Variants in MAP4K5 observed in about 807,000 individuals in gnomAD.
The protein encoded by MAP4K5 is MAPK/ERK kinase kinase kinase 5.
In MAP4K5, 82 loss-of-function variants were observed where a neutral mutation model predicts 135.6. The observed-to-expected ratio is 0.60, with a 90% CI of 0.51 to 0.73. MAP4K5 has a LOEUF of 0.73. Among genes scored for constraint, MAP4K5 ranks in the 30% least tolerant of loss-of-function variants. The pLI, the probability that MAP4K5 is intolerant of heterozygous loss-of-function variation, is 0.00. For synonymous variants in MAP4K5, 347 were observed against 335.0 expected (o/e 1.04, Z -0.39); for missense variants, 907 against 1,010.9 (o/e 0.90, Z 1.39).
At chr14:50,523,826 C>T (rs2038203347) in intron 2 of MAP4K5, among the ~76,000 whole-genome samples, 1 of 152,198 alleles carries the variant, frequency 6.6e-6, no homozygotes, top group Non-Finnish European at 1.5e-5. Context: ...AGGAGGCCTT[C>T]TATAAGTATT....
chr14:50,489,161 C>G (rs567458188), intron 3 of MAP4K5, among the ~76,000 whole-genome samples: 1 of 152,250 alleles, frequency 6.6e-6, no homozygotes, highest in African/African-American at 2.4e-5. Flanking sequence ...TGCTCACCAG[C>G]CTGGGCAACA....
chr14:50,426,189 C>T (rs1036075566), intron 30 of MAP4K5, among the ~76,000 whole-genome samples: 4 of 152,072 alleles, frequency 2.6e-5, no homozygotes, highest in Admixed American at 1.3e-4. Context: ...TTCAAAGATA[C>T]ATATAAAAGC....
chr14:50,474,002 GT>G, intron 9 of MAP4K5, among the ~76,000 whole-genome samples: 1 of 152,252 alleles, frequency 6.6e-6, no homozygotes, highest in East Asian at 1.9e-4. Flanking sequence ...GGGATTACAG[GT>G]GTGAACTTGA....
rs184730224 is a variant in MAP4K5, at chr14:50,553,877, C to T, written c.-180+7163G>A. ...TGGAAAACCAAATATTGTATGTTCT[C>T]ACTTAAAAGTGAGAGTTAAGCTATG... On this transcript the variant is annotated intron_variant, in intron 1 of 8. Transcript: ENST00000555216. Among the ~76,000 whole-genome samples, 529 of 152,208 alleles carry T rather than the reference C, an allele frequency of 3.5e-3. 4 individuals are homozygous for T. The highest frequency in any genetic ancestry group is 0.012 in the African/African-American group (499 of 41,520).
At chr14:50,509,220 A>T (rs1334361245) in intron 2 of MAP4K5, among the ~76,000 whole-genome samples, 51 of 94,410 alleles carry the variant, frequency 5.4e-4, no homozygotes, top group African/African-American at 1.6e-3. Flanking sequence ...CATCACACAC[A>T]GGGGCCTGTC....
At chr14:50,441,072 C>T (rs1194081696) in intron 21 of MAP4K5, among the ~76,000 whole-genome samples, 2 of 151,972 alleles carry the variant, frequency 1.3e-5, no homozygotes, top group African/African-American at 2.4e-5. Context: ...TAGATCATAT[C>T]GCATGGAATA....
At chr14:50,508,308 G>T (rs1162757189) in intron 2 of MAP4K5, among the ~76,000 whole-genome samples, 2 of 152,022 alleles carry the variant, frequency 1.3e-5, no homozygotes, top group African/African-American at 4.8e-5. Flanking sequence ...CAAAGACTTG[G>T]AACCAACCCA....
chr14:50,537,070 C>T (rs2038502583), upstream of MAP4K5, among the ~76,000 whole-genome samples: 2 of 152,210 alleles, frequency 1.3e-5, no homozygotes, highest in African/African-American at 4.8e-5. Context: ...TCATGGCAGA[C>T]CTTCCCATCA....
At chr14:50,542,006 CAAAAAAAAAAAAAAAAAA>C (rs59075218) in intron 2 of MAP4K5, among the ~76,000 whole-genome samples, 32 of 62,470 alleles carry the variant, frequency 5.1e-4, no homozygotes, top group East Asian at 3.8e-3. Flanking sequence ...GATTCCGTCT[CAAAAAAAAAAAAAAAAAA>C]AAAAAAAAAA....
chr14:50,521,828 C>A (rs2038158913), intron 2 of MAP4K5, among the ~76,000 whole-genome samples: 1 of 152,204 alleles, frequency 6.6e-6, no homozygotes, highest in South Asian at 2.1e-4. Flanking sequence ...AGAGAGTCAT[C>A]TACCCTCTCA....
intron 1 of MAP4K5, among the ~76,000 whole-genome samples, chr14:50,553,570 C>G (rs1191763414): frequency 2.6e-5 from 4 of 152,124 alleles, no homozygotes; most frequent in Non-Finnish European, 4.4e-5. Flanking sequence ...AAAAGTGGAA[C>G]TACCATTTGA....
intron 6 of MAP4K5, among the ~76,000 whole-genome samples, chr14:50,481,372 T>C (rs1326386347): frequency 6.6e-6 from 1 of 151,570 alleles, no homozygotes; most frequent in Non-Finnish European, 1.5e-5. Flanking sequence ...TGTTTATGTC[T>C]TTTAAAGCAT....
chr14:50,522,160 G>A (rs977049293), intron 2 of MAP4K5, among the ~76,000 whole-genome samples: 3 of 151,980 alleles, frequency 2.0e-5, no homozygotes, highest in African/African-American at 7.3e-5. Flanking sequence ...TGGAAATGAA[G>A]ATCAAAGTGA....
rs750405882 is a variant in MAP4K5, at chr14:50,531,981, G to A, written c.69C>T (p.Val23=). The A allele has an allele frequency of 3.7e-6, 6 of 1,604,648 alleles. No individual in the cohort carries two copies. In the South Asian group the frequency reaches 5.6e-5, roughly 15 times the overall value. The change falls in exon 2 of 33, where the codon GTC becomes GTT. Residue 23 remains valine (V), a synonymous_variant. Transcript: ENST00000682126. ...CGTAGGTGCCGCTGCCGACCCTCTG[G>A]ACGAGTTCGTAGTCCTGCTGCGGGT... is the stretch of plus-strand genomic sequence containing the variant. ...RRNPQQDYEL[V]QRVGSGTYGD...
chr14:50,550,258 C>G (rs1053934633), intron 1 of MAP4K5, among the ~76,000 whole-genome samples: 1 of 152,180 alleles, frequency 6.6e-6, no homozygotes, highest in South Asian at 2.1e-4. Context: ...GTACTGTAAG[C>G]CAGAACTGAA....
chr14:50,429,961 C>T (rs1337001929), intron 28 of MAP4K5, among the ~76,000 whole-genome samples: 1 of 151,852 alleles, frequency 6.6e-6, no homozygotes, highest in African/African-American at 2.4e-5. Flanking sequence ...AATGGTCTAG[C>T]TGAATCTAAG....
intron 3 of MAP4K5, among the ~76,000 whole-genome samples, chr14:50,494,402 G>A (rs555667438): frequency 1.2e-4 from 18 of 151,976 alleles, no homozygotes; most frequent in South Asian, 2.1e-4. Flanking sequence ...TCCTGACCTC[G>A]TGATCCGCCC....
intron 20 of MAP4K5, 32 bp downstream of exon 20, chr14:50,443,697 C>A: frequency 6.4e-7 from 1 of 1,555,192 alleles, no homozygotes; most frequent in Non-Finnish European, 8.6e-7. Context: ...AGAGAAAAAA[C>A]GGCAAATAGT....
Position 50,434,991 on chromosome 14 carries a change from C to T in MAP4K5, c.1957G>A (p.Glu653Lys). 2 of 1,609,862 alleles carry T rather than the reference C, an allele frequency of 1.2e-6. No homozygotes were observed. Among genetic ancestry groups the T allele is most frequent in the Non-Finnish European group, 8.5e-7 (1 of 1,177,064 alleles). ...ATCAACATGAATTTCTGCATTGGCT[C>T]ATACCACTGAAGTAAAACAATTCCA... is the stretch of plus-strand genomic sequence containing the variant. ...QSGIVLLQWY[E>K]PMQKFMLIKH... is the part of the protein sequence containing the mutation. The change falls in exon 27 of 33, where the codon GAG (glutamate) becomes AAG (lysine). Residue 653 changes from glutamate (E) to lysine (K), a missense_variant. By Grantham distance (56) the Glu-to-Lys change is moderately conservative. This residue lies in a region of MAP4K5 where 690 missense variants were observed against 777.4 expected (regional missense o/e 0.89). Coordinates refer to ENST00000682126, the MANE Select transcript of MAP4K5 (RefSeq NM_006575.6).
Sources: allele counts gnomAD v4.1 joint callset (sites outside exome capture counted in the v4.1 genomes callset), GRCh38; gene constraint gnomAD v4.1.1; regional missense constraint gnomAD v4.1.1; transcripts MANE v1.5; gene names NCBI Gene and HGNC (gene_info 2026-07-23, HGNC 2026-07-21).